Variants in TRRAP observed in about 807,000 individuals in gnomAD.
TRRAP encodes the protein transformation/transcription domain associated protein, also known as transformation/transcription domain-associated protein.
In TRRAP, 41 loss-of-function variants were observed where a neutral mutation model predicts 438.8. The observed-to-expected ratio is 0.09, with a 90% CI of 0.07 to 0.12. The LOEUF is 0.12. TRRAP is among the 10% of genes least tolerant of loss of function. The probability of loss-of-function intolerance (pLI) is 1.00; values close to 1 mark genes in which losing one functional copy is unlikely to be tolerated. For synonymous variants in TRRAP, 1,994 were observed against 1,962.9 expected (o/e 1.02, Z -0.42); for missense variants, 3,122 against 5,055.1 (o/e 0.62, Z 11.60).
At position 98,933,258 on chromosome 7, in the gene TRRAP, C is replaced by A. The variant is rs1267428319; in HGVS notation, c.3870C>A (p.Val1290=). 3 of 1,612,806 alleles carry A rather than the reference C, an allele frequency of 1.9e-6. No individual in the cohort carries two copies. The highest frequency in any genetic ancestry group is 1.7e-5 in the Admixed American group (1 of 59,888). Residue 1290 remains valine, a synonymous_variant, in exon 27 of 73, where the codon GTC becomes GTA. Transcript: ENST00000456197. ...TTCCCCAGGTCCTGCAGGATATGGT[C>A]CCCCCTAAGAAGCACCTGCTCCGAC... ...EPHKEVLQDM[V]PPKKHLLRHQ...
In TRRAP at chr7:98,948,759, T is replaced by A; in HGVS notation, c.4788+74T>A. ...AGCTGTCGTGCTCTGAAATGTTCAG[T>A]TCATATTTCACTATTCAGTGTCCTG... On this transcript the variant is annotated intron_variant, in intron 35 of 72. Coordinates refer to ENST00000456197, the MANE Select transcript of TRRAP (RefSeq NM_001375524.1). The surrounding 1 kb of genome is among the most constrained non-coding windows in gnomAD (Gnocchi z 4.9). 2.5e-6 allele frequency: 4 copies of A among 1,604,404 alleles called. No homozygotes were observed. The South Asian group carries it at 4.4e-5, about 18-fold the overall frequency.
rs536214071 is a variant in TRRAP at position 98,991,407 on chromosome 7, C to T, written c.9757-730C>T. On this transcript the variant is annotated intron_variant, in intron 64 of 72. Transcript: ENST00000456197. ...GCACCTGTGCTATGTGGGCCCTGAG[C>T]GATGCCCTGGTTTTCCTTGAGGAGG... 1.2e-3 allele frequency among the ~76,000 whole-genome samples: 184 copies of T among 152,318 alleles called. 1 individual carries two copies. The highest frequency in any genetic ancestry group is 3.6e-3 in the African/African-American group (151 of 41,554).
rs1019428745 is a variant in TRRAP at position 99,005,988 on chromosome 7, C to T, written c.10753+640C>T. On this transcript the variant is annotated intron_variant, in intron 69 of 72. Coordinates refer to ENST00000456197, the MANE Select transcript of TRRAP (RefSeq NM_001375524.1). This position sits in a 1 kb window ranked among gnomAD's most constrained non-coding sequence, Gnocchi z 5.1. The stretch of plus-strand genomic sequence containing the variant: ...CCAGCGCGCCTCTAGCTGCTTCACA[C>T]GCTGCACTCTGGGCCCTCCCTGAAT... Among the ~76,000 whole-genome samples the T allele has an allele frequency of 6.6e-5, 10 of 152,200 alleles. No homozygotes were observed. The highest frequency in any genetic ancestry group is 1.3e-4 in the Non-Finnish European group (9 of 68,040).
intron 26 of TRRAP, 51 bp downstream of exon 26, chr7:98,931,716 C>A (rs782007886): frequency 6.3e-7 from 1 of 1,581,962 alleles, no homozygotes; most frequent in Non-Finnish European, 8.6e-7. Flanking sequence ...ACTTTTGAGC[C>A]TTTTTTTTAA....
chr7:98,964,534 G>T, intron 47 of TRRAP, 95 bp from the exon 48 acceptor site: 2 of 1,443,692 alleles, frequency 1.4e-6, no homozygotes, highest in South Asian at 2.7e-5. Flanking sequence ...CTATGCTTTT[G>T]TCAGAATACA....
At position 98,937,507 on chromosome 7, in the gene TRRAP, A is replaced by G. The variant is rs569544139; in HGVS notation, c.4234-143A>G. ...AGATAAGTCTCCATCATTTCGTCAT[A>G]AATTTCTGAAATAGTATATGATTAA... On this transcript the variant is annotated intron_variant, in intron 29 of 72. Transcript: ENST00000456197. The G allele has an allele frequency of 1.4e-4, 156 of 1,119,904 alleles. 1 individual carries two copies. In the African/African-American group the frequency reaches 2.3e-3, roughly 16 times the overall value. The allele number at this position is 1,119,904 out of a possible 1,614,324, so 69.4% of individuals were successfully genotyped here. A position where few individuals can be genotyped will look rare whatever the true frequency, so the allele number is the denominator to read the frequency against.
At position 98,981,785 on chromosome 7, in the gene TRRAP, C is replaced by A; in HGVS notation, c.8651C>A (p.Pro2884Gln). ...EALVQVEVSCPKEMAWKVNMY... is the reference protein window; with the variant it reads ...EALVQVEVSCQKEMAWKVNMY... ...CACTGCCAGGTGGAAGTGAGCTGTC[C>A]GAAGGAGATGGCCTGGAAGGTGAAC... Residue 2884 changes from proline (P) to glutamine (Q), a missense_variant, in exon 59 of 73, where the codon CCG becomes CAG. By Grantham distance (76) the Pro-to-Gln change is moderately conservative. Transcript: ENST00000456197. 2 of 1,604,546 alleles carry A rather than the reference C, an allele frequency of 1.2e-6. No individual in the cohort carries two copies. Among genetic ancestry groups the A allele is most frequent in the Non-Finnish European group, 1.7e-6 (2 of 1,176,080 alleles).
rs1554418631 is a variant in TRRAP at position 98,953,161 on chromosome 7, G to A, written c.5464-6G>A. 7.5e-6 allele frequency: 12 copies of A among 1,609,252 alleles called. No homozygotes were observed. The highest frequency in any genetic ancestry group is 1.0e-5 in the Non-Finnish European group (12 of 1,178,458). On this transcript the variant is annotated splice_region_variant and splice_polypyrimidine_tract_variant and intron_variant, in intron 39 of 72. Coordinates refer to ENST00000456197, the MANE Select transcript of TRRAP (RefSeq NM_001375524.1). ...GAAATGAGTCCTTCCTGCTGTCCCT[G>A]CACAGGTCCTGGACCCCGAGAAGCA... is the stretch of plus-strand genomic sequence containing the variant.
intron 65 of TRRAP, 66 bp from the exon 66 acceptor site, chr7:98,993,472 C>A: frequency 1.3e-6 from 2 of 1,546,788 alleles, no homozygotes; most frequent in Non-Finnish European, 1.8e-6. Flanking sequence ...ATGGGTCCTG[C>A]AGCGCTCCGA....
At chr7:98,914,854 A>G (rs187314270) in intron 18 of TRRAP, among the ~76,000 whole-genome samples, 1 of 151,908 alleles carries the variant, frequency 6.6e-6, no homozygotes, top group African/African-American at 2.4e-5. Flanking sequence ...AAATAAATAA[A>G]TATATTCTGC....
rs1790252979 is a variant in TRRAP, at chr7:98,930,044, T to C, written c.3231T>C (p.Phe1077=). The C allele has an allele frequency of 6.2e-7, 1 of 1,614,212 alleles. No homozygotes were observed. The highest frequency in any genetic ancestry group is 8.5e-7 in the Non-Finnish European group (1 of 1,180,042). Residue 1077 remains phenylalanine (F), a synonymous_variant, in exon 24 of 73, where the codon TTT becomes TTC. Coordinates refer to ENST00000456197, the MANE Select transcript of TRRAP (RefSeq NM_001375524.1). The part of the protein sequence containing the change: ...QVGSQPSTAM[F]HSEENGSKGM... ...GCAGCCAGCCCAGCACAGCCATGTT[T>C]CACAGTGAAGAAAATGGCTCGAAAG...
chr7:98,913,382 C>T (rs1045310530), intron 18 of TRRAP, among the ~76,000 whole-genome samples: 1 of 151,840 alleles, frequency 6.6e-6, no homozygotes, highest in South Asian at 2.1e-4. Flanking sequence ...CTCTGCCTCC[C>T]GGGTCAAGCA....
Position 98,964,614 on chromosome 7 carries a change from A to G in TRRAP, c.6830-15A>G. The G allele has an allele frequency of 1.2e-6, 2 of 1,601,962 alleles. No homozygotes were observed. The highest frequency in any genetic ancestry group is 1.7e-6 in the Non-Finnish European group (2 of 1,176,060). Reference sequence around the variant, plus strand: ...TTACTTTTCTGTGAAACACTTGGCAATTTCTACATTTTAGGGACCCTTATG... The same window carrying G: ...TTACTTTTCTGTGAAACACTTGGCAGTTTCTACATTTTAGGGACCCTTATG... On this transcript the variant is annotated splice_polypyrimidine_tract_variant and intron_variant, in intron 47 of 72. Coordinates refer to ENST00000456197, the MANE Select transcript of TRRAP (RefSeq NM_001375524.1).
At position 98,930,655 on chromosome 7, in the gene TRRAP, C is replaced by A. The variant is rs1554412640; in HGVS notation, c.3416C>A (p.Ser1139Tyr). ...CAGGCCTGCCAGCTGCCCCTGTTTT[C>A]TTACATCGTGGAGCGCCTGTGTGCA... ...KERACQLPLF[S>Y]YIVERLCACC... The change falls in exon 25 of 73, where the codon TCT (serine) becomes TAT (tyrosine). Residue 1139 changes from serine to tyrosine, a missense_variant. By Grantham distance (144) the Ser-to-Tyr change is moderately radical. This residue lies in a region of TRRAP where 153 missense variants were observed against 223.0 expected (regional missense o/e 0.69). Transcript: ENST00000456197. The A allele has an allele frequency of 6.2e-7, 1 of 1,613,938 alleles. No individual in the cohort carries two copies. The highest frequency in any genetic ancestry group is 8.5e-7 in the Non-Finnish European group (1 of 1,180,016).
chr7:98,907,905 C>T (rs958051588), intron 13 of TRRAP, among the ~76,000 whole-genome samples: 2 of 151,188 alleles, frequency 1.3e-5, no homozygotes, highest in Non-Finnish European at 3.0e-5. Flanking sequence ...GCCATGCTGG[C>T]CCCTACAGCT....
At chr7:98,942,896 C>G in intron 30 of TRRAP, 53 bp from the exon 31 acceptor site, 2 of 1,589,358 alleles carry the variant, frequency 1.3e-6, no homozygotes, top group East Asian at 2.2e-5. Context: ...TAGTTTCCAC[C>G]AGTGGAATGC....
At chr7:98,962,584 G>T (rs1000862343) in intron 47 of TRRAP, among the ~76,000 whole-genome samples, 157 bp downstream of exon 47, 1 of 152,240 alleles carries the variant, frequency 6.6e-6, no homozygotes, top group African/African-American at 2.4e-5. Context: ...CCTCAAGGCC[G>T]CCGTCTCCTG....
intron 29 of TRRAP, 31 bp from the exon 30 acceptor site, chr7:98,937,619 A>C (rs782505452): frequency 6.3e-7 from 1 of 1,583,068 alleles, no homozygotes; most frequent in South Asian, 1.2e-5. Context: ...TCAGTTGTCT[A>C]TTTTTCTTTA....
At chr7:98,979,757 A>G (rs1228895323) in intron 58 of TRRAP, among the ~76,000 whole-genome samples, 1 of 152,170 alleles carries the variant, frequency 6.6e-6, no homozygotes, top group Non-Finnish European at 1.5e-5. Flanking sequence ...ATTCTTGATC[A>G]TTTTATAAAA....
Sources: allele counts gnomAD v4.1 joint callset (sites outside exome capture counted in the v4.1 genomes callset), GRCh38; gene constraint gnomAD v4.1.1; regional missense constraint gnomAD v4.1.1; non-coding constraint Gnocchi (gnomAD v3.1); transcripts MANE v1.5; gene names NCBI Gene and HGNC (gene_info 2026-07-23, HGNC 2026-07-21).